Variants in ANKRD33B observed in about 807,000 individuals in gnomAD.
ANKRD33B encodes the protein ankyrin repeat domain 33B, also known as ankyrin repeat domain-containing protein 33B.
A neutral mutation model predicts 21.5 loss-of-function variants in ANKRD33B; 6 were observed. That is an observed-to-expected ratio of 0.28 (90% CI 0.15 to 0.55). The LOEUF is 0.55. Among genes scored for constraint, ANKRD33B ranks in the 20% least tolerant of loss-of-function variants. The probability of loss-of-function intolerance (pLI) is 0.94; values close to 1 mark genes in which losing one functional copy is unlikely to be tolerated. For missense variants in ANKRD33B, 698 were observed against 747.2 expected (o/e 0.93, Z 0.77); for synonymous variants, 347 against 342.4 (o/e 1.01, Z -0.15).
intron 1 of ANKRD33B, among the ~76,000 whole-genome samples, chr5:10,616,002 G>A (rs1008356616): frequency 6.6e-6 from 1 of 152,154 alleles, no homozygotes. Context: ...TTAGATTATT[G>A]TGAAACATTT....
chr5:10,642,437 C>T (rs1377864690), intron 3 of ANKRD33B, among the ~76,000 whole-genome samples: 1 of 152,226 alleles, frequency 6.6e-6, no homozygotes, highest in East Asian at 1.9e-4. Context: ...GTGAGTCTCT[C>T]CCTGTCCTAT....
At chr5:10,603,896 C>CTT (rs552397819) in intron 1 of ANKRD33B, among the ~76,000 whole-genome samples, 26 of 139,642 alleles carry the variant, frequency 1.9e-4, no homozygotes, top group South Asian at 6.9e-4. Flanking sequence ...AAAAGGAGAA[C>CTT]TTTTTTTTTT....
intron 1 of ANKRD33B, among the ~76,000 whole-genome samples, chr5:10,582,885 T>C (rs895108922): frequency 6.6e-6 from 1 of 152,334 alleles, no homozygotes; most frequent in Non-Finnish European, 1.5e-5. Context: ...ATATTTTCTC[T>C]TGAAGCTTGG....
intron 1 of ANKRD33B, among the ~76,000 whole-genome samples, chr5:10,610,584 G>T (rs2126576055): frequency 6.6e-6 from 1 of 152,358 alleles, no homozygotes. Flanking sequence ...GTGTCTATCA[G>T]TTTAGGGGCA....
At chr5:10,608,323 A>T (rs187621937) in intron 1 of ANKRD33B, among the ~76,000 whole-genome samples, 88 of 150,258 alleles carry the variant, frequency 5.9e-4, no homozygotes, top group African/African-American at 2.1e-3. Flanking sequence ...GTGCCACTGC[A>T]CTCCAGCCTA....
Position 10,649,825 on chromosome 5 carries a change from C to G in ANKRD33B, c.1197C>G (p.Pro399=). Reference sequence around the variant, plus strand: ...TGGGGTCCCGGGGCCCCGCAGCGCCCGCCCCGCGGAAGGCCAGCCTCCTGC... The same window carrying G: ...TGGGGTCCCGGGGCCCCGCAGCGCCGGCCCCGCGGAAGGCCAGCCTCCTGC... The part of the protein sequence containing the change: ...PALGSRGPAA[P]APRKASLLPL... Residue 399 remains proline, a synonymous_variant, in exon 4 of 4, where the codon CCC becomes CCG. Transcript: ENST00000296657. 7.2e-7 allele frequency: 1 copy of G among 1,388,454 alleles called. No individual in the cohort carries two copies. Among genetic ancestry groups the G allele is most frequent in the South Asian group, 1.5e-5 (1 of 64,754 alleles). The allele number at this position is 1,388,454 out of a possible 1,614,324, so 86.0% of individuals were successfully genotyped here. A position where few individuals can be genotyped will look rare whatever the true frequency, so the allele number is the denominator to read the frequency against.
At chr5:10,600,641 A>G (rs1036143929) in intron 1 of ANKRD33B, among the ~76,000 whole-genome samples, 3 of 152,216 alleles carry the variant, frequency 2.0e-5, no homozygotes, top group African/African-American at 7.2e-5. Context: ...ATACATCTTC[A>G]TGTGGATATA....
Position 10,624,114 on chromosome 5 carries a change from GTTCT to G in ANKRD33B, c.496+5663_496+5666del, listed in dbSNP as rs993470187. 9.5e-5 allele frequency among the ~76,000 whole-genome samples: 14 copies of G among 146,760 alleles called. No individual in the cohort carries two copies. In the East Asian group the frequency reaches 1.4e-3, roughly 15 times the overall value. On this transcript the variant is annotated intron_variant, in intron 2 of 3. Transcript: ENST00000296657. ...TTTTCTTTACTTCTTGTTTTCTTTC[GTTCT>G]TTCTTTCTTTTCTTTTTTTTTTTTT...
At chr5:10,648,685 G>C (rs1468571089) in intron 3 of ANKRD33B, among the ~76,000 whole-genome samples, 1 of 152,160 alleles carries the variant, frequency 6.6e-6, no homozygotes, top group East Asian at 1.9e-4. Flanking sequence ...CTTGAACCCG[G>C]GAGGCAGAGG....
At chr5:10,617,710 A>C in intron 1 of ANKRD33B, among the ~76,000 whole-genome samples, 1 of 151,652 alleles carries the variant, frequency 6.6e-6, no homozygotes, top group Non-Finnish European at 1.5e-5. Flanking sequence ...GGTCTCTGAG[A>C]CCTCCTGTTG....
At chr5:10,617,838 T>C (rs1349713122) in intron 1 of ANKRD33B, among the ~76,000 whole-genome samples, 1 of 152,214 alleles carries the variant, frequency 6.6e-6, no homozygotes, top group Non-Finnish European at 1.5e-5. Flanking sequence ...TTGCTTGAGC[T>C]GTTTCCTCTA....
At chr5:10,642,419 A>T (rs529404832) in intron 3 of ANKRD33B, among the ~76,000 whole-genome samples, 1 of 152,258 alleles carries the variant, frequency 6.6e-6, no homozygotes, top group South Asian at 2.1e-4. Flanking sequence ...TGTCTGTGGG[A>T]TCCTCTAGTG....
chr5:10,637,964 C>G lies in ANKRD33B; in HGVS notation c.497-64C>G, dbSNP rs1322203265. On this transcript the variant is annotated intron_variant, in intron 2 of 3. Coordinates refer to ENST00000296657, the MANE Select transcript of ANKRD33B (RefSeq NM_001164440.2). ...TGTTTCTTTCTCTCTCTAGGAAGGC[C>G]TGGCTGGAACCAGCACATTTTGTGG... The G allele has an allele frequency of 1.5e-5, 22 of 1,506,710 alleles. 1 individual carries two copies. The South Asian group carries it at 2.3e-4, about 16-fold the overall frequency. 93.3% of individuals were successfully genotyped at this position (1,506,710 alleles called of 1,614,324 possible).
chr5:10,590,143 T>C (rs1324325751), intron 1 of ANKRD33B, among the ~76,000 whole-genome samples: 3 of 152,240 alleles, frequency 2.0e-5, no homozygotes, highest in Non-Finnish European at 1.5e-5. Context: ...TTATTTGCTT[T>C]TACATATTAG....
At chr5:10,611,154 C>T (rs1736163504) in intron 1 of ANKRD33B, among the ~76,000 whole-genome samples, 1 of 152,104 alleles carries the variant, frequency 6.6e-6, no homozygotes, top group Admixed American at 6.5e-5. Context: ...TAGTGATCAC[C>T]TCTGGGAGGG....
intron 1 of ANKRD33B, among the ~76,000 whole-genome samples, chr5:10,605,472 T>C (rs1286576508): frequency 2.6e-5 from 4 of 152,172 alleles, no homozygotes; most frequent in Non-Finnish European, 5.9e-5. Context: ...GTTTTTGCTG[T>C]TGTAATTCAT....
In ANKRD33B at chr5:10,652,043, G is replaced by T; in HGVS notation, c.*1930G>T. The T allele has an allele frequency of 6.6e-6, 1 of 152,524 alleles. No homozygotes were observed. The allele number at this position is 152,524 out of a possible 1,614,324, so 9.4% of individuals were successfully genotyped here. ...TTGGGATTGGCCATGTCTTCTTCGA[G>T]GAGGTGGAGACTGTAACTGACACTG... On this transcript the variant is annotated 3_prime_UTR_variant, in exon 4 of 4. Transcript: ENST00000296657. The surrounding 1 kb of genome is among the most constrained non-coding windows in gnomAD (Gnocchi z 4.1).
chr5:10,626,473 T>A (rs1256285322), intron 2 of ANKRD33B, among the ~76,000 whole-genome samples: 2 of 152,230 alleles, frequency 1.3e-5, no homozygotes, highest in Admixed American at 6.5e-5. Context: ...TTCAGTTGTA[T>A]TTCCCCAGCT....
rs1425014321 is a variant in ANKRD33B at position 10,638,179 on chromosome 5, C to G, written c.637+11C>G. ...CCCTGATGCTAGCAGGTATGTCCAC[C>G]TGTCCTGTGCAGCTTCCAGGGGCCC... On this transcript the variant is annotated intron_variant, in intron 3 of 3. Transcript: ENST00000296657. The G allele has an allele frequency of 6.5e-7, 1 of 1,536,716 alleles. No individual in the cohort carries two copies. Among genetic ancestry groups the G allele is most frequent in the South Asian group, 1.2e-5 (1 of 84,010 alleles).
Sources: allele counts gnomAD v4.1 joint callset (sites outside exome capture counted in the v4.1 genomes callset), GRCh38; gene constraint gnomAD v4.1.1; non-coding constraint Gnocchi (gnomAD v3.1); transcripts MANE v1.5; gene names NCBI Gene and HGNC (gene_info 2026-07-23, HGNC 2026-07-21).